The following YTHDF2 variants were observed in gnomAD, a reference collection of about 807,000 sequenced individuals.
YTHDF2 encodes the protein YTH N6-methyladenosine RNA binding protein F2, also known as YTH domain-containing family protein 2.
YTHDF2 carries 2 observed loss-of-function variants against 50.4 expected under a neutral mutation model. The ratio of observed to expected loss-of-function variants is 0.04; its 90% confidence interval spans 0.02 to 0.12. The LOEUF is 0.12. YTHDF2 is among the 10% of genes least tolerant of loss of function. The probability of loss-of-function intolerance (pLI) is 1.00; values close to 1 mark genes in which losing one functional copy is unlikely to be tolerated. For synonymous variants in YTHDF2, 217 were observed against 255.6 expected, an observed-to-expected ratio of 0.85 and a Z score of 1.44; for missense variants, 483 against 722.6, an observed-to-expected ratio of 0.67 and a Z score of 3.80.
At chr1:28,737,179 G>C in intron 1 of YTHDF2, 32 bp downstream of exon 1, 1 of 1,558,144 alleles carries the variant, frequency 6.4e-7, no homozygotes, top group South Asian at 1.2e-5. Context: ...CTCGGCCATT[G>C]TGTGAGGCGA....
chr1:28,742,060 T>C (rs548272416), intron 3 of YTHDF2, among the ~76,000 whole-genome samples: 4 of 151,964 alleles, frequency 2.6e-5, no homozygotes, highest in African/African-American at 7.2e-5. Context: ...TTTTTTTTTT[T>C]CCTGGAGATG....
intron 4 of YTHDF2, among the ~76,000 whole-genome samples, chr1:28,754,883 A>G (rs2088012775): frequency 6.9e-6 from 1 of 145,398 alleles, no homozygotes; most frequent in Admixed American, 7.0e-5. Context: ...GAGCTGAGGG[A>G]TGAGAATCAC....
At chr1:28,751,974 A>T (rs745325154) in intron 4 of YTHDF2, among the ~76,000 whole-genome samples, 1 of 152,186 alleles carries the variant, frequency 6.6e-6, no homozygotes, top group Non-Finnish European at 1.5e-5. Flanking sequence ...AAGCTTAGCT[A>T]TCTTATCTAA....
chr1:28,743,129 G>C lies in YTHDF2; in HGVS notation c.859G>C (p.Ala287Pro), dbSNP rs754654980. Residue 287 changes from alanine to proline, a missense_variant, in exon 4 of 5, where the codon GCC (alanine) becomes CCC (proline). Ala to Pro is a conservative substitution (Grantham distance 27). This residue lies in a region of YTHDF2 where 385 missense variants were observed against 475.8 expected (regional missense o/e 0.81). Coordinates refer to ENST00000373812, the MANE Select transcript of YTHDF2 (RefSeq NM_016258.3). This position sits in a 1 kb window ranked among gnomAD's most constrained non-coding sequence, Gnocchi z 6.9. ...TWDNKGPVAK[A>P]PSQALVQNIG... ...GGATAACAAGGGTCCCGTTGCAAAAGCCCCCTCACAGGCTTTGGTTCAGAA... is the reference window on the plus strand; with the variant it reads ...GGATAACAAGGGTCCCGTTGCAAAACCCCCCTCACAGGCTTTGGTTCAGAA... 11 of 1,614,052 alleles carry C rather than the reference G, an allele frequency of 6.8e-6. No individual in the cohort carries two copies. The South Asian group carries it at 9.9e-5, about 14-fold the overall frequency.
chr1:28,752,106 T>A (rs2087963654), intron 4 of YTHDF2, among the ~76,000 whole-genome samples: 1 of 152,258 alleles, frequency 6.6e-6, no homozygotes, highest in Admixed American at 6.5e-5. Flanking sequence ...GTGTTGGAGC[T>A]GGCTAGTTGG....
At position 28,769,070 on chromosome 1, in the gene YTHDF2, A is replaced by G; in HGVS notation, c.*118A>G. On this transcript the variant is annotated 3_prime_UTR_variant, in exon 5 of 5. Coordinates refer to ENST00000373812, the MANE Select transcript of YTHDF2 (RefSeq NM_016258.3). ...TTTCACTGACTTCAGAGACGATTGC[A>G]GACTTGCAGTTTAAGTATTGGAATT... 1 of 744,080 alleles carries G rather than the reference A, an allele frequency of 1.3e-6. No homozygotes were observed. The allele number at this position is 744,080 out of a possible 1,614,324, so 46.1% of individuals were successfully genotyped here.
Position 28,739,824 on chromosome 1 carries a change from G to A in YTHDF2, c.132+1486G>A, listed in dbSNP as rs550029765. Among the ~76,000 whole-genome samples, 98 of 152,266 alleles carry A rather than the reference G, an allele frequency of 6.4e-4. 2 individuals are homozygous for A. In the South Asian group the frequency reaches 0.017, roughly 27 times the overall value. ...TGCATGTAGAAACTTGTTTGATTCAGCAGTTCTTTTGTATTATTATCTCTG... is the reference window on the plus strand; with the variant it reads ...TGCATGTAGAAACTTGTTTGATTCAACAGTTCTTTTGTATTATTATCTCTG... On this transcript the variant is annotated intron_variant, in intron 3 of 4. Transcript: ENST00000373812.
intron 4 of YTHDF2, among the ~76,000 whole-genome samples, chr1:28,761,566 C>T (rs554385335): frequency 4.7e-4 from 71 of 152,248 alleles, no homozygotes; most frequent in East Asian, 1.7e-3. Context: ...GGAGAAACCC[C>T]GTCTCTACTA....
chr1:28,750,936 T>TA (rs1183953900), intron 4 of YTHDF2, among the ~76,000 whole-genome samples: 2 of 150,982 alleles, frequency 1.3e-5, no homozygotes, highest in Admixed American at 6.6e-5. Flanking sequence ...CTACAACAAA[T>TA]AAAAAAATTA....
At chr1:28,738,110 A>G in intron 2 of YTHDF2, 149 bp from the exon 3 acceptor site, 1 of 641,824 alleles carries the variant, frequency 1.6e-6, no homozygotes, top group Non-Finnish European at 2.7e-6. Flanking sequence ...CTGTCGCTTC[A>G]GCATTCACTG....
At chr1:28,756,808 T>A (rs1028438159) in intron 4 of YTHDF2, among the ~76,000 whole-genome samples, 1 of 150,762 alleles carries the variant, frequency 6.6e-6, no homozygotes, top group African/African-American at 2.5e-5. Flanking sequence ...CCTGCCTGCC[T>A]GCCTTTAAGG....
At chr1:28,761,808 C>T (rs1273923557) in intron 4 of YTHDF2, among the ~76,000 whole-genome samples, 1 of 152,174 alleles carries the variant, frequency 6.6e-6, no homozygotes, top group Non-Finnish European at 1.5e-5. Flanking sequence ...TCCCAAAGTG[C>T]TGGGCTTGTA....
rs768422756 is a variant in YTHDF2, at chr1:28,737,645, C to G, written c.28-13C>G. ...GACAACTTGCTGCTCGGCGACGTTT[C>G]CTTCCCCTGCAGAGACCAAAAGGTC... On this transcript the variant is annotated splice_polypyrimidine_tract_variant and intron_variant, in intron 1 of 4. Coordinates refer to ENST00000373812, the MANE Select transcript of YTHDF2 (RefSeq NM_016258.3). 9.9e-6 allele frequency: 16 copies of G among 1,613,716 alleles called. No individual in the cohort carries two copies. In the Admixed American group the frequency reaches 2.0e-4, roughly 20 times the overall value.
intron 4 of YTHDF2, among the ~76,000 whole-genome samples, chr1:28,744,559 G>T (rs539899313): frequency 6.6e-6 from 1 of 152,332 alleles, no homozygotes; most frequent in African/African-American, 2.4e-5. Context: ...AACTAGAGTT[G>T]AATTTGAAAG....
At chr1:28,756,912 CTT>C (rs2088043468) in intron 4 of YTHDF2, among the ~76,000 whole-genome samples, 1 of 152,328 alleles carries the variant, frequency 6.6e-6, no homozygotes, top group Non-Finnish European at 1.5e-5. Context: ...CAAACGTTCT[CTT>C]CCTGCTTTTT....
intron 4 of YTHDF2, among the ~76,000 whole-genome samples, chr1:28,758,366 CA>C (rs923875090): frequency 5.3e-5 from 8 of 151,970 alleles, no homozygotes; most frequent in Non-Finnish European, 2.9e-5. Context: ...ACCCTGTCTC[CA>C]AAAAACTAAT....
intron 3 of YTHDF2, among the ~76,000 whole-genome samples, chr1:28,738,616 T>C (rs965139993): frequency 2.0e-4 from 30 of 152,202 alleles, no homozygotes; most frequent in African/African-American, 7.2e-4. Context: ...AGCTAGTTTT[T>C]CTATTTTTTT....
chr1:28,765,995 T>C (rs1008854163), intron 4 of YTHDF2, among the ~76,000 whole-genome samples: 2 of 152,222 alleles, frequency 1.3e-5, no homozygotes, highest in Non-Finnish European at 2.9e-5. Flanking sequence ...ACAGATCTTA[T>C]TCAGACTTTA....
At chr1:28,748,359 C>G (rs925341380) in intron 4 of YTHDF2, among the ~76,000 whole-genome samples, 1 of 152,144 alleles carries the variant, frequency 6.6e-6, no homozygotes, top group Admixed American at 6.6e-5. Context: ...ATGGTAGACT[C>G]CCTTAGGTGA....
Sources: gnomAD v4.1 joint callset for allele counts (sites outside exome capture counted in the v4.1 genomes callset) on GRCh38, gnomAD v4.1.1 for gene constraint, gnomAD v4.1.1 regional missense constraint, Gnocchi (gnomAD v3.1) non-coding constraint, MANE v1.5 for transcripts, NCBI Gene and HGNC (gene_info 2026-07-23, HGNC 2026-07-21) for gene names.